Variants in FBXO11 observed in about 807,000 individuals in gnomAD.
FBXO11 encodes F-box only protein 11.
In FBXO11, 13 loss-of-function variants were observed where a neutral mutation model predicts 117.0. The observed-to-expected ratio is 0.11, with a 90% CI of 0.07 to 0.18. The LOEUF (loss-of-function observed/expected upper bound fraction) is 0.18. FBXO11 is among the 10% of genes least tolerant of loss of function. The probability of loss-of-function intolerance (pLI) is 1.00; values close to 1 mark genes in which losing one functional copy is unlikely to be tolerated. For missense variants in FBXO11, 767 were observed against 1,164.4 expected, an observed-to-expected ratio of 0.66 and a Z score of 4.97; for synonymous variants, 490 against 380.5, an observed-to-expected ratio of 1.29 and a Z score of -3.35.
chr2:47,820,493 G>T, intron 13 of FBXO11, 37 bp from the exon 14 acceptor site: 10 of 1,491,752 alleles, frequency 6.7e-6, no homozygotes, highest in Non-Finnish European at 9.3e-6. Context: ...CAACATTTGT[G>T]AGCCTAGAGA....
At chr2:47,898,843 C>A (rs1438624784) in intron 1 of FBXO11, among the ~76,000 whole-genome samples, 2 of 151,842 alleles carry the variant, frequency 1.3e-5, no homozygotes, top group East Asian at 3.9e-4. Context: ...GGTATCTTTC[C>A]TTGTTTATAG....
chr2:47,862,200 G>C (rs1426033372), intron 1 of FBXO11, among the ~76,000 whole-genome samples: 1 of 152,144 alleles, frequency 6.6e-6, no homozygotes, highest in Non-Finnish European at 1.5e-5. Flanking sequence ...GGACTACACA[G>C]GTGTGAGCCA....
In FBXO11 at chr2:47,823,378, T is replaced by C. The variant is rs747838273; in HGVS notation, c.1399-18A>G. ...AAGTAACCCTGAAAAATACAGAAAT[T>C]AAATCTGTAGGTAAAGCCTACTTTA... On this transcript the variant is annotated intron_variant, in intron 11 of 22. Coordinates refer to ENST00000403359, the MANE Select transcript of FBXO11 (RefSeq NM_001190274.2). The C allele has an allele frequency of 6.5e-7, 1 of 1,545,444 alleles. No individual in the cohort carries two copies. The highest frequency in any genetic ancestry group is 1.2e-5 in the South Asian group (1 of 84,632).
intron 1 of FBXO11, chr2:47,883,587 T>C (rs558692803): frequency 1.9e-5 from 6 of 320,684 alleles, no homozygotes; most frequent in Non-Finnish European, 3.1e-5. Flanking sequence ...AACACTGATG[T>C]TTGATGGCAA....
chr2:47,886,501 CAA>C (rs368848073), intron 1 of FBXO11, among the ~76,000 whole-genome samples: 21 of 82,598 alleles, frequency 2.5e-4, no homozygotes, highest in Admixed American at 1.5e-4. Flanking sequence ...GCGAGACTCT[CAA>C]AAAAAAAAAA....
rs376186704 is a variant in FBXO11 at position 47,899,273 on chromosome 2, C to CAAA, written c.232+6213_232+6215dup. Among the ~76,000 whole-genome samples the CAAA allele has an allele frequency of 6.8e-4, 41 of 60,564 alleles. 2 individuals carry two copies. The highest frequency in any genetic ancestry group is 1.5e-3 in the African/African-American group (22 of 14,614). 39.7% of individuals were successfully genotyped at this position (60,564 alleles called of 152,430 possible). On this transcript the variant is annotated intron_variant, in intron 1 of 22. Coordinates refer to ENST00000403359, the MANE Select transcript of FBXO11 (RefSeq NM_001190274.2). Reference sequence around the variant, plus strand: ...TGGGCGACAGAGCAAGACTCCGTCTCAAAAAAAAAAAAAAAAAAAAGAATT... The same window carrying CAAA: ...TGGGCGACAGAGCAAGACTCCGTCTCAAAAAAAAAAAAAAAAAAAAAAAGAATT...
chr2:47,863,070 A>C (rs1383839513), intron 1 of FBXO11, among the ~76,000 whole-genome samples: 1 of 131,002 alleles, frequency 7.6e-6, no homozygotes, highest in East Asian at 1.9e-4. Context: ...AAAAAAAAAA[A>C]ACAAAAAAAC....
At chr2:47,815,808 T>G (rs1670966371) in intron 16 of FBXO11, among the ~76,000 whole-genome samples, 1 of 152,188 alleles carries the variant, frequency 6.6e-6, no homozygotes, top group Non-Finnish European at 1.5e-5. Flanking sequence ...CCCCAGCTCT[T>G]GAGCATCAAC....
chr2:47,859,952 G>C (rs962348449), intron 1 of FBXO11, among the ~76,000 whole-genome samples: 3 of 152,114 alleles, frequency 2.0e-5, no homozygotes, highest in Admixed American at 2.0e-4. Context: ...AAAGTTCATA[G>C]ATTTTCCCCC....
chr2:47,896,518 CGGGGTTTCGCCATGTTG>C (rs1424601027), intron 1 of FBXO11, among the ~76,000 whole-genome samples: 1 of 152,052 alleles, frequency 6.6e-6, no homozygotes, highest in South Asian at 2.1e-4. Flanking sequence ...TCTGTAGAGA[CGGGGTTTCGCCATGTTG>C]CCCAGGCAGG....
At chr2:47,890,674 A>T (rs1677190302) in intron 1 of FBXO11, among the ~76,000 whole-genome samples, 1 of 152,006 alleles carries the variant, frequency 6.6e-6, no homozygotes, top group Admixed American at 6.6e-5. Context: ...ACATGGTGGC[A>T]AGCGCCTATA....
chr2:47,854,463 G>T (rs976537843), intron 1 of FBXO11, among the ~76,000 whole-genome samples: 7 of 151,090 alleles, frequency 4.6e-5, no homozygotes, highest in African/African-American at 1.5e-4. Context: ...GTATTAGAAA[G>T]AAAACTATGA....
At chr2:47,813,213 A>C in intron 18 of FBXO11, 21 bp downstream of exon 18, 1 of 1,610,668 alleles carries the variant, frequency 6.2e-7, no homozygotes, top group Non-Finnish European at 8.5e-7. Flanking sequence ...TTTTTCACTA[A>C]TGCAAAATTA....
At chr2:47,887,409 G>A (rs1676944121) in intron 1 of FBXO11, among the ~76,000 whole-genome samples, 1 of 151,824 alleles carries the variant, frequency 6.6e-6, no homozygotes, top group African/African-American at 2.4e-5. Flanking sequence ...AAAGAACAGG[G>A]AAAACAAAAT....
intron 11 of FBXO11, among the ~76,000 whole-genome samples, chr2:47,830,340 G>T (rs1305781543): frequency 6.6e-6 from 1 of 151,996 alleles, no homozygotes; most frequent in Non-Finnish European, 1.5e-5. Context: ...ATTCTCGCAT[G>T]GCAAGAATTC....
In FBXO11 at chr2:47,818,937, G is replaced by C. The variant is rs1320533011; in HGVS notation, c.1920+19C>G. 1 of 1,600,532 alleles carries C rather than the reference G, an allele frequency of 6.2e-7. No individual in the cohort carries two copies. The highest frequency in any genetic ancestry group is 1.8e-5 in the Admixed American group (1 of 56,184). On this transcript the variant is annotated intron_variant, in intron 15 of 22. Transcript: ENST00000403359. The stretch of plus-strand genomic sequence containing the variant: ...ACAAAACAATGTATTTCCCATCCAA[G>C]AGTCCAGGCTAATCCTACCTGCTTG...
At chr2:47,860,841 CTA>C (rs144770656) in intron 1 of FBXO11, among the ~76,000 whole-genome samples, 37 of 138,144 alleles carry the variant, frequency 2.7e-4, no homozygotes, top group African/African-American at 9.6e-4. Flanking sequence ...TTGTTTTCCC[CTA>C]TTTTTTTTTT....
chr2:47,879,080 T>A (rs1676235294), intron 1 of FBXO11, among the ~76,000 whole-genome samples: 1 of 152,226 alleles, frequency 6.6e-6, no homozygotes, highest in Non-Finnish European at 1.5e-5. Context: ...TCCAAGTTTG[T>A]GAGTGTAAAA....
At chr2:47,892,999 A>C (rs1225464483) in intron 1 of FBXO11, among the ~76,000 whole-genome samples, 2 of 152,008 alleles carry the variant, frequency 1.3e-5, no homozygotes, top group African/African-American at 4.8e-5. Context: ...CTAAAAATAC[A>C]AAAAAATGAA....
Sources: allele counts gnomAD v4.1 joint callset (sites outside exome capture counted in the v4.1 genomes callset), GRCh38; gene constraint gnomAD v4.1.1; transcripts MANE v1.5; gene names NCBI Gene and HGNC (gene_info 2026-07-23, HGNC 2026-07-21).